The following MDGA2 variants were observed in gnomAD, a reference collection of about 807,000 sequenced individuals.
MDGA2 encodes MAM domain containing glycosylphosphatidylinositol anchor 2.
MDGA2 carries 40 observed loss-of-function variants against 117.8 expected under a neutral mutation model. The observed-to-expected ratio is 0.34, with a 90% CI of 0.26 to 0.44. The LOEUF (loss-of-function observed/expected upper bound fraction) is 0.44. Ranked by LOEUF, MDGA2 falls within the 20% of genes least tolerant of loss-of-function variation. The probability of loss-of-function intolerance (pLI) is 1.00; values close to 1 mark genes in which losing one functional copy is unlikely to be tolerated. For synonymous variants in MDGA2, 452 were observed against 439.0 expected (o/e 1.03, Z -0.37); for missense variants, 1,123 against 1,250.6 (o/e 0.90, Z 1.54).
chr14:47,555,664 G>A (rs747061740), intron 1 of MDGA2, among the ~76,000 whole-genome samples: 11 of 152,054 alleles, frequency 7.2e-5, no homozygotes, highest in Admixed American at 1.3e-4. Context: ...TAAGAAAATA[G>A]AGCAATAGTG....
At chr14:47,292,722 T>C (rs948960365) in intron 2 of MDGA2, among the ~76,000 whole-genome samples, 2 of 152,188 alleles carry the variant, frequency 1.3e-5, no homozygotes, top group African/African-American at 4.8e-5. Context: ...CTCCATGAAG[T>C]AGTTTAAATT....
chr14:47,660,614 C>T (rs1956327), intron 1 of MDGA2, among the ~76,000 whole-genome samples: 150,574 of 152,322 alleles, frequency 0.99, 74,457 homozygotes, highest in East Asian at 1. Flanking sequence ...ATTAACTCTG[C>T]GCGAAAAATG....
intron 10 of MDGA2, among the ~76,000 whole-genome samples, chr14:46,901,217 A>T (rs1302478286): frequency 2.0e-5 from 3 of 151,744 alleles, no homozygotes; most frequent in Non-Finnish European, 4.4e-5. Context: ...TAGCTTTAGG[A>T]GATATACCTA....
intron 1 of MDGA2, among the ~76,000 whole-genome samples, chr14:47,421,463 C>A (rs1892577305): frequency 6.6e-6 from 1 of 150,510 alleles, no homozygotes; most frequent in Non-Finnish European, 1.5e-5. Flanking sequence ...CTGTAACTTC[C>A]ATCCTTTAAT....
At chr14:47,241,494 T>C (rs1887039301) in intron 2 of MDGA2, among the ~76,000 whole-genome samples, 1 of 151,988 alleles carries the variant, frequency 6.6e-6, no homozygotes, top group East Asian at 1.9e-4. Flanking sequence ...TGTGTTTCTT[T>C]CCATTGTAAA....
At chr14:47,517,679 T>C (rs2138706111) in intron 1 of MDGA2, among the ~76,000 whole-genome samples, 1 of 152,276 alleles carries the variant, frequency 6.6e-6, no homozygotes, top group South Asian at 2.1e-4. Flanking sequence ...ACCTCTGTCC[T>C]TCAGTTACCC....
chr14:47,354,968 G>T (rs1890961926), intron 1 of MDGA2, among the ~76,000 whole-genome samples: 1 of 152,102 alleles, frequency 6.6e-6, no homozygotes, highest in African/African-American at 2.4e-5. Flanking sequence ...TTGACAGGCT[G>T]GGAAAATTTT....
chr14:47,042,327 T>G (rs3985117), intron 7 of MDGA2, among the ~76,000 whole-genome samples: 53,197 of 144,870 alleles, frequency 0.37, 9,885 homozygotes, highest in Middle Eastern at 0.38. Context: ...TTTTTTTTTT[T>G]TGTGTGTGTG....
At chr14:47,633,958 G>T (rs1367011329) in intron 1 of MDGA2, among the ~76,000 whole-genome samples, 2 of 152,224 alleles carry the variant, frequency 1.3e-5, no homozygotes, top group South Asian at 2.1e-4. Context: ...AAGGTGAAAG[G>T]TTTGAAAAAT....
chr14:47,379,289 G>T (rs1335574079), intron 1 of MDGA2, among the ~76,000 whole-genome samples: 1 of 152,150 alleles, frequency 6.6e-6, no homozygotes, highest in Non-Finnish European at 1.5e-5. Flanking sequence ...ATCGATGCTA[G>T]GAAGAAACTG....
At position 47,348,737 on chromosome 14, in the gene MDGA2, T is replaced by C. The variant is rs1194825159; in HGVS notation, c.281-47187A>G. Among the ~76,000 whole-genome samples the C allele has an allele frequency of 2.0e-5, 3 of 151,986 alleles. No homozygotes were observed. In the East Asian group the frequency reaches 5.8e-4, roughly 29 times the overall value. On this transcript the variant is annotated intron_variant, in intron 1 of 16. Transcript: ENST00000399232. ...CAAAGGCAGAGTGGAAAAAAATGAGTGCAGAAGCAAAAATCTTTGTAGAAA... is the reference window on the plus strand; with the variant it reads ...CAAAGGCAGAGTGGAAAAAAATGAGCGCAGAAGCAAAAATCTTTGTAGAAA...
chr14:47,486,195 C>T (rs896273371), intron 1 of MDGA2, among the ~76,000 whole-genome samples: 1 of 152,174 alleles, frequency 6.6e-6, no homozygotes, highest in Non-Finnish European at 1.5e-5. Context: ...TGGGAATCCA[C>T]CTCTTGCATC....
At chr14:47,543,400 T>C (rs1895392556) in intron 1 of MDGA2, among the ~76,000 whole-genome samples, 1 of 152,194 alleles carries the variant, frequency 6.6e-6, no homozygotes, top group African/African-American at 2.4e-5. Flanking sequence ...TCATGGATTA[T>C]TATAATTTGC....
intron 1 of MDGA2, among the ~76,000 whole-genome samples, chr14:47,308,363 CA>C (rs1343887551): frequency 2.0e-5 from 3 of 152,226 alleles, no homozygotes; most frequent in Middle Eastern, 3.4e-3. Context: ...AACAACAACT[CA>C]TCATGTTTGT....
At chr14:47,081,435 T>C (rs932243971) in intron 6 of MDGA2, among the ~76,000 whole-genome samples, 1 of 152,142 alleles carries the variant, frequency 6.6e-6, no homozygotes, top group Non-Finnish European at 1.5e-5. Context: ...TAAAACAATA[T>C]ACTACCCACT....
At position 47,323,935 on chromosome 14, in the gene MDGA2, A is replaced by G. The variant is rs144119427; in HGVS notation, c.281-22385T>C. Among the ~76,000 whole-genome samples the G allele has an allele frequency of 2.9e-3, 436 of 152,190 alleles. 3 individuals carry two copies. The highest frequency in any genetic ancestry group is 0.01 in the African/African-American group (423 of 41,552). ...ATATTTAATTGAGTAGCTACTCTAT[A>G]CAAAATGGTGTATTAAGATCTCTGA... On this transcript the variant is annotated intron_variant, in intron 1 of 16. Coordinates refer to ENST00000399232, the MANE Select transcript of MDGA2 (RefSeq NM_001113498.3).
intron 6 of MDGA2, among the ~76,000 whole-genome samples, chr14:47,083,229 A>G (rs544601121): frequency 3.9e-5 from 6 of 152,198 alleles, no homozygotes; most frequent in Admixed American, 1.3e-4. Flanking sequence ...CAAGAAGCTC[A>G]TAACAATCCA....
At chr14:47,303,438 G>A (rs1313159013) in intron 1 of MDGA2, among the ~76,000 whole-genome samples, 4 of 151,920 alleles carry the variant, frequency 2.6e-5, no homozygotes, top group Admixed American at 2.0e-4. Context: ...GTAATAATTC[G>A]TTTGGTTTTA....
chr14:47,508,394 T>C (rs1298104850), intron 1 of MDGA2, among the ~76,000 whole-genome samples: 2 of 151,972 alleles, frequency 1.3e-5, no homozygotes, highest in East Asian at 1.9e-4. Flanking sequence ...TATATATATA[T>C]ATTTGCTACC....
Sources: gnomAD v4.1 joint callset for allele counts (sites outside exome capture counted in the v4.1 genomes callset) on GRCh38, gnomAD v4.1.1 for gene constraint, MANE v1.5 for transcripts, NCBI Gene and HGNC (gene_info 2026-07-23, HGNC 2026-07-21) for gene names.